ACAD10: variants seen among roughly 807,000 people sequenced by gnomAD.
The protein encoded by ACAD10 is ACAD-10.
Under a neutral mutation model 116.8 loss-of-function variants are expected in ACAD10, and 112 were observed. The observed-to-expected ratio is 0.96, with a 90% CI of 0.82 to 1.12. ACAD10 has a LOEUF of 1.12. ACAD10 is among the 50% of genes most tolerant of loss of function. The pLI, the probability that ACAD10 is intolerant of heterozygous loss-of-function variation, is 0.00. For synonymous variants in ACAD10, 486 were observed against 510.6 expected (o/e 0.95, Z 0.65); for missense variants, 1,259 against 1,350.2 (o/e 0.93, Z 1.06).
At chr12:111,721,559 C>A in intron 7 of ACAD10, 112 bp from the exon 8 acceptor site, 1 of 1,001,030 alleles carries the variant, frequency 1.0e-6, no homozygotes, top group Non-Finnish European at 1.5e-6. Flanking sequence ...CAGAGCGAGA[C>A]TGTGTCTCAA....
At chr12:111,714,570 C>T (rs1433855359) in intron 6 of ACAD10, among the ~76,000 whole-genome samples, 1 of 150,534 alleles carries the variant, frequency 6.6e-6, no homozygotes, top group Non-Finnish European at 1.5e-5. Flanking sequence ...GAGGCTAAGG[C>T]AGAATCGCTT....
chr12:111,749,150 C>T (rs764734462), intron 17 of ACAD10, 23 bp from the exon 18 acceptor site: 3 of 1,613,124 alleles, frequency 1.9e-6, no homozygotes, highest in Non-Finnish European at 2.5e-6. Context: ...CTATTGCTCA[C>T]AGTGATCGTT....
At chr12:111,749,506 A>G (rs1291120613) in intron 18 of ACAD10, 161 bp downstream of exon 18, 3 of 968,372 alleles carry the variant, frequency 3.1e-6, no homozygotes, top group Non-Finnish European at 4.5e-6. Context: ...TGCATCTGCT[A>G]CTTTGCTGCA....
intron 10 of ACAD10, among the ~76,000 whole-genome samples, chr12:111,733,369 T>G (rs1352972256): frequency 6.6e-6 from 1 of 152,132 alleles, no homozygotes; most frequent in Non-Finnish European, 1.5e-5. Context: ...ATTACAGGCA[T>G]GAACCATTGC....
At position 111,692,563 on chromosome 12, in the gene ACAD10, A is replaced by T. The variant is rs1449420055; in HGVS notation, c.-13-134A>T. ...CAGGGAGGGAGGAGACACTGAGGTCAGTTGTGGGTGTGATTCGAAGTGCCT... is the reference window on the plus strand; with the variant it reads ...CAGGGAGGGAGGAGACACTGAGGTCTGTTGTGGGTGTGATTCGAAGTGCCT... On this transcript the variant is annotated intron_variant, in intron 1 of 20. Transcript: ENST00000313698. The T allele has an allele frequency of 3.7e-6, 3 of 819,108 alleles. No individual in the cohort carries two copies. The Admixed American group carries it at 8.6e-5, about 23-fold the overall frequency. The allele number at this position is 819,108 out of a possible 1,614,324, so 50.7% of individuals were successfully genotyped here.
intron 7 of ACAD10, among the ~76,000 whole-genome samples, chr12:111,716,894 T>C (rs1192250833): frequency 6.6e-6 from 1 of 152,174 alleles, no homozygotes; most frequent in Non-Finnish European, 1.5e-5. Flanking sequence ...TACTTAAATA[T>C]ACTATAATCT....
rs554022849 is a variant in ACAD10 at position 111,715,872 on chromosome 12, A to G, written c.902A>G (p.Tyr301Cys). 1.9e-6 allele frequency: 3 copies of G among 1,614,088 alleles called. No individual in the cohort carries two copies. The highest frequency in any genetic ancestry group is 2.2e-5 in the East Asian group (1 of 44,868). Reference protein sequence around the residue: ...FDHGQSNPTYYIRLANRDLVL... With the variant: ...FDHGQSNPTYCIRLANRDLVL... ...CACGGGCAGTCAAATCCAACTTACT[A>G]CATCAGGCTGGCTAATCGTGATCTA... Residue 301 changes from tyrosine to cysteine, a missense_variant, in exon 7 of 21, where the codon TAC becomes TGC. Physicochemically the swap from Tyr to Cys is radical, Grantham distance 194. Coordinates refer to ENST00000313698, the MANE Select transcript of ACAD10 (RefSeq NM_025247.6).
At chr12:111,745,141 C>T (rs1183340348) in intron 13 of ACAD10, 98 bp downstream of exon 13, 11 of 1,323,728 alleles carry the variant, frequency 8.3e-6, no homozygotes, top group African/African-American at 1.5e-5. Context: ...AGTGAAGATA[C>T]AGGAGCTCCG....
intron 3 of ACAD10, among the ~76,000 whole-genome samples, chr12:111,703,835 C>T (rs928644241): frequency 7.9e-5 from 12 of 151,824 alleles, no homozygotes; most frequent in Non-Finnish European, 1.3e-4. Context: ...CAGAGTGAGA[C>T]TCCATCTCAA....
intron 1 of ACAD10, 135 bp from the exon 2 acceptor site, chr12:111,692,562 C>T: frequency 1.2e-6 from 1 of 815,368 alleles, no homozygotes; most frequent in Non-Finnish European, 1.9e-6. Context: ...ACACTGAGGT[C>T]AGTTGTGGGT....
chr12:111,747,035 C>A lies in ACAD10; in HGVS notation c.2257-14C>A. ...GGACATGACAGTCATGGTCACGCTC[C>A]TTTTCCTTCTCAGGTATGTAACTGC... On this transcript the variant is annotated splice_polypyrimidine_tract_variant and intron_variant, in intron 14 of 20. Coordinates refer to ENST00000313698, the MANE Select transcript of ACAD10 (RefSeq NM_025247.6). 6.4e-7 allele frequency: 1 copy of A among 1,569,868 alleles called. No homozygotes were observed. The highest frequency in any genetic ancestry group is 8.7e-7 in the Non-Finnish European group (1 of 1,155,832).
At chr12:111,712,423 C>A in intron 5 of ACAD10, 75 bp from the exon 6 acceptor site, 1 of 1,378,298 alleles carries the variant, frequency 7.3e-7, no homozygotes, top group South Asian at 1.3e-5. Flanking sequence ...TGTATATATT[C>A]TCAACATCCT....
chr12:111,748,548 C>T, intron 17 of ACAD10, 73 bp downstream of exon 17: 2 of 1,565,328 alleles, frequency 1.3e-6, no homozygotes, highest in Non-Finnish European at 1.7e-6. Context: ...GGGGCCCCTG[C>T]TCTTGTTCAG....
chr12:111,717,543 T>C (rs1888879745), intron 7 of ACAD10, among the ~76,000 whole-genome samples: 1 of 151,838 alleles, frequency 6.6e-6, no homozygotes, highest in Non-Finnish European at 1.5e-5. Flanking sequence ...TAAAGGCAGA[T>C]ACAAACTGCA....
chr12:111,720,782 A>C (rs575681502), intron 7 of ACAD10, among the ~76,000 whole-genome samples: 113 of 150,940 alleles, frequency 7.5e-4, no homozygotes, highest in African/African-American at 2.3e-3. Flanking sequence ...TCTTTTATTT[A>C]TTTTATTTTA....
intron 8 of ACAD10, among the ~76,000 whole-genome samples, chr12:111,725,441 G>T (rs1172047684): frequency 6.6e-6 from 1 of 152,176 alleles, no homozygotes; most frequent in African/African-American, 2.4e-5. Context: ...CTGAGCCTGG[G>T]AGGTGGAGGC....
rs200585723 is a variant in ACAD10 at position 111,746,208 on chromosome 12, A to G, written c.2180A>G (p.Lys727Arg). ...CCCTTAGAGGCTGATCCCGAGAAAA[A>G]ATACGGAGCAGGACTGACCAATGTG... is the stretch of plus-strand genomic sequence containing the variant. ...FLPLEADPEK[K>R]YGAGLTNVEY... Residue 727 changes from lysine to arginine, a missense_variant, in exon 14 of 21, where the codon AAA (lysine) becomes AGA (arginine). Coordinates refer to ENST00000313698, the MANE Select transcript of ACAD10 (RefSeq NM_025247.6). The G allele has an allele frequency of 1.9e-6, 3 of 1,613,856 alleles. No homozygotes were observed. The highest frequency in any genetic ancestry group is 2.5e-6 in the Non-Finnish European group (3 of 1,180,016).
intron 19 of ACAD10, among the ~76,000 whole-genome samples, chr12:111,754,913 T>C (rs971880379): frequency 6.6e-6 from 1 of 152,188 alleles, no homozygotes; most frequent in Non-Finnish European, 1.5e-5. Flanking sequence ...TGACATAAGA[T>C]AATAGTTGCC....
chr12:111,728,435 A>G (rs1889287895), intron 9 of ACAD10, among the ~76,000 whole-genome samples: 1 of 148,996 alleles, frequency 6.7e-6, no homozygotes, highest in Non-Finnish European at 1.5e-5. Context: ...TGCAACTTTT[A>G]TCTCACTAGA....
Sources: allele counts gnomAD v4.1 joint callset (sites outside exome capture counted in the v4.1 genomes callset), GRCh38; gene constraint gnomAD v4.1.1; transcripts MANE v1.5; gene names NCBI Gene and HGNC (gene_info 2026-07-23, HGNC 2026-07-21).